Variants in PCDHA6 observed in about 807,000 individuals in gnomAD.
PCDHA6 encodes protocadherin alpha-6.
Under a neutral mutation model 60.3 loss-of-function variants are expected in PCDHA6, and 55 were observed. The ratio of observed to expected loss-of-function variants is 0.91; its 90% CI spans 0.73 to 1.14. The LOEUF is 1.14. PCDHA6 is among the 50% of genes most tolerant of loss of function. PCDHA6 has a pLI of 0.00. For synonymous variants in PCDHA6, 652 were observed against 557.9 expected (o/e 1.17, Z -2.38); for missense variants, 1,327 against 1,256.5 (o/e 1.06, Z -0.85).
At chr5:140,846,310 A>G (rs1373754894) in intron 1 of PCDHA6, among the ~76,000 whole-genome samples, 4 of 145,832 alleles carry the variant, frequency 2.7e-5, no homozygotes, top group African/African-American at 1.0e-4. Context: ...TAAACCATTT[A>G]TGTAGAGTGT....
rs782094851 is a variant in PCDHA6, at chr5:140,857,519, T to C, written c.2394+27034T>C. 175 of 1,597,972 alleles carry C rather than the reference T, an allele frequency of 1.1e-4. 14 individuals are homozygous for C. The highest frequency in any genetic ancestry group is 1.4e-4 in the Non-Finnish European group (163 of 1,167,816). On this transcript the variant is annotated intron_variant, in intron 1 of 3. Coordinates refer to ENST00000529310, the MANE Select transcript of PCDHA6 (RefSeq NM_018909.4). ...CGCGCAGGAGAACGCCCTGGTGTCCTACTCTCTGGTGGAGCGGCGGTTGGG... is the reference window on the plus strand; with the variant it reads ...CGCGCAGGAGAACGCCCTGGTGTCCCACTCTCTGGTGGAGCGGCGGTTGGG...
chr5:140,982,120 T>C (rs1554243763), intron 2 of PCDHA6, among the ~76,000 whole-genome samples: 1 of 152,256 alleles, frequency 6.6e-6, no homozygotes, highest in Non-Finnish European at 1.5e-5. Context: ...CTTGGAACTT[T>C]TGAGAACAAG....
At chr5:140,842,999 G>A (rs782032676) in intron 1 of PCDHA6, 1 of 1,594,954 alleles carries the variant, frequency 6.3e-7, no homozygotes, top group Admixed American at 1.7e-5. Context: ...GGACGAGAAT[G>A]ACAACGCGCC....
chr5:140,870,933 G>T, intron 1 of PCDHA6: 1 of 1,613,802 alleles, frequency 6.2e-7, no homozygotes, highest in Non-Finnish European at 8.5e-7. Flanking sequence ...CATATGAATT[G>T]CAGCCGGCGG....
At chr5:140,911,775 C>T (rs1341124275) in intron 1 of PCDHA6, among the ~76,000 whole-genome samples, 1 of 152,096 alleles carries the variant, frequency 6.6e-6, no homozygotes, top group African/African-American at 2.4e-5. Context: ...AAGTACAGTC[C>T]TTAGCATTTT....
chr5:140,854,159 CAAA>C (rs59855104), intron 1 of PCDHA6: 332 of 340,956 alleles, frequency 9.7e-4, no homozygotes, highest in Non-Finnish European at 1.1e-3. Context: ...GATTCTGTCT[CAAA>C]AAAAAAAAAA....
chr5:140,919,795 A>G (rs1554199259), intron 1 of PCDHA6, among the ~76,000 whole-genome samples: 1 of 152,070 alleles, frequency 6.6e-6, no homozygotes, highest in East Asian at 1.9e-4. Context: ...CTTGTGGTGG[A>G]TTGAATTGTG....
intron 1 of PCDHA6, chr5:140,883,733 C>G (rs1554179634): frequency 3.1e-6 from 5 of 1,613,458 alleles, no homozygotes; most frequent in African/African-American, 1.3e-5. Flanking sequence ...GGAGAACGCG[C>G]TGGTCTCCTA....
intron 1 of PCDHA6, among the ~76,000 whole-genome samples, chr5:140,902,203 C>CTTTT (rs148688132): frequency 2.0e-4 from 25 of 124,426 alleles, no homozygotes; most frequent in African/African-American, 2.5e-4. Flanking sequence ...CTCTCTCTTT[C>CTTTT]TTTTTTTTTT....
intron 1 of PCDHA6, among the ~76,000 whole-genome samples, chr5:140,898,335 A>C (rs1232674937): frequency 2.6e-5 from 4 of 152,208 alleles, no homozygotes; most frequent in African/African-American, 9.6e-5. Context: ...CTAACGTTTA[A>C]GTCTTTAATC....
intron 1 of PCDHA6, chr5:140,883,464 C>G (rs1219426048): frequency 6.2e-7 from 1 of 1,614,044 alleles, no homozygotes; most frequent in African/African-American, 1.3e-5. Flanking sequence ...AAGCTGGTGT[C>G]CACCTACAAG....
intron 1 of PCDHA6, among the ~76,000 whole-genome samples, chr5:140,961,680 C>T (rs989401730): frequency 3.3e-5 from 5 of 152,040 alleles, no homozygotes; most frequent in African/African-American, 4.8e-5. Flanking sequence ...TTAATTAAGC[C>T]GGAGTAGTCC....
chr5:140,879,010 G>T (rs2057809352), intron 1 of PCDHA6, among the ~76,000 whole-genome samples: 1 of 152,200 alleles, frequency 6.6e-6, no homozygotes, highest in African/African-American at 2.4e-5. Context: ...CTAGAAATCA[G>T]ATAATGTTTT....
At chr5:140,883,987 G>C (rs782597930) in intron 1 of PCDHA6, 4 of 1,612,956 alleles carry the variant, frequency 2.5e-6, no homozygotes, top group Admixed American at 1.7e-5. Context: ...CTGGCAGCGC[G>C]GGAGGCACAG....
chr5:141,005,118 C>T (rs546410334), intron 3 of PCDHA6, among the ~76,000 whole-genome samples: 1 of 152,198 alleles, frequency 6.6e-6, no homozygotes, highest in South Asian at 2.1e-4. Flanking sequence ...CTTTAGGGAC[C>T]CCAAAAGTGC....
intron 1 of PCDHA6, among the ~76,000 whole-genome samples, chr5:140,890,116 G>A (rs1290402695): frequency 6.6e-6 from 1 of 152,142 alleles, no homozygotes; most frequent in East Asian, 1.9e-4. Flanking sequence ...ATTCAATGAT[G>A]TCACTTTGGT....
At chr5:140,893,608 T>C (rs2064082274) in intron 1 of PCDHA6, among the ~76,000 whole-genome samples, 1 of 152,256 alleles carries the variant, frequency 6.6e-6, no homozygotes, top group African/African-American at 2.4e-5. Flanking sequence ...TTCTCCTTCA[T>C]TTCTGAAGTA....
chr5:140,875,571 C>T lies in PCDHA6; in HGVS notation c.2394+45086C>T, dbSNP rs782529259. The T allele has an allele frequency of 7.4e-6, 12 of 1,613,992 alleles. No individual in the cohort carries two copies. The Admixed American group carries it at 1.8e-4, about 25-fold the overall frequency. ...AGGTGGGGAGCGGCCAGCTCCACTACTCCGTCTACGAGGAGGCCAAACACG... is the reference window on the plus strand; with the variant it reads ...AGGTGGGGAGCGGCCAGCTCCACTATTCCGTCTACGAGGAGGCCAAACACG... On this transcript the variant is annotated intron_variant, in intron 1 of 3. Transcript: ENST00000529310.
At chr5:140,943,516 A>T (rs1202948180) in intron 1 of PCDHA6, among the ~76,000 whole-genome samples, 1 of 152,176 alleles carries the variant, frequency 6.6e-6, no homozygotes, top group Admixed American at 6.5e-5. Context: ...GGAAATGTTG[A>T]GTTCAGTATG....
Sources: allele counts gnomAD v4.1 joint callset (sites outside exome capture counted in the v4.1 genomes callset), GRCh38; gene constraint gnomAD v4.1.1; transcripts MANE v1.5; gene names NCBI Gene and HGNC (gene_info 2026-07-23, HGNC 2026-07-21).